The following LIMS1 variants were observed in gnomAD, a reference collection of about 807,000 sequenced individuals.
LIMS1 encodes LIM zinc finger domain containing 1.
Under a neutral mutation model 44.1 loss-of-function variants are expected in LIMS1, and 18 were observed. That is an observed-to-expected ratio of 0.41 (90% CI 0.28 to 0.61). LIMS1 has a LOEUF of 0.61. Among genes scored for constraint, LIMS1 ranks in the 20% least tolerant of loss-of-function variants. LIMS1 has a pLI of 0.32. For missense variants in LIMS1, 201 were observed against 422.0 expected, an observed-to-expected ratio of 0.48 and a Z score of 4.59; for synonymous variants, 93 against 149.1, an observed-to-expected ratio of 0.62 and a Z score of 2.74.
intron 1 of LIMS1, among the ~76,000 whole-genome samples, chr2:108,616,701 C>T (rs1290769379): frequency 6.6e-6 from 1 of 152,074 alleles, no homozygotes; most frequent in Non-Finnish European, 1.5e-5. Context: ...CTTCTGCCTT[C>T]TCATACTCTC....
chr2:108,648,978 C>T (rs114194384), intron 1 of LIMS1, among the ~76,000 whole-genome samples: 4,442 of 152,254 alleles, frequency 0.029, 145 homozygotes, highest in South Asian at 0.14. Flanking sequence ...CCAAAACTGA[C>T]AAACAGGATC....
chr2:108,534,524 A>G (rs755563887), exon 1 of LIMS1: 68 of 1,197,736 alleles, frequency 5.7e-5, no homozygotes, highest in Non-Finnish European at 6.4e-5. Context: ...GCGCCGGGAG[A>G]CGAGGGGCTG....
intron 1 of LIMS1, among the ~76,000 whole-genome samples, chr2:108,576,910 G>C (rs1036578973): frequency 2.0e-5 from 3 of 152,176 alleles, no homozygotes; most frequent in Non-Finnish European, 4.4e-5. Context: ...ACTCCCTGAG[G>C]TAGGAGGGAA....
intron 1 of LIMS1, among the ~76,000 whole-genome samples, chr2:108,618,374 A>G (rs1373386537): frequency 6.6e-6 from 1 of 152,168 alleles, no homozygotes; most frequent in African/African-American, 2.4e-5. Context: ...TTTGAAAGGA[A>G]AAATAGATGG....
rs76907035 is a variant in LIMS1 at position 108,589,404 on chromosome 2, A to G, written c.32+54810A>G. On this transcript the variant is annotated intron_variant, in intron 1 of 9. Transcript: ENST00000544547. Reference sequence around the variant, plus strand: ...CAATACAGTATTATTAATTATAATCACTTTGCTGTACAATAGATCACCAGA... The same window carrying G: ...CAATACAGTATTATTAATTATAATCGCTTTGCTGTACAATAGATCACCAGA... Among the ~76,000 whole-genome samples, 786 of 152,312 alleles carry G rather than the reference A, an allele frequency of 5.2e-3. 11 individuals carry two copies. Among genetic ancestry groups the G allele is most frequent in the African/African-American group, 0.018 (749 of 41,572 alleles).
intron 1 of LIMS1, among the ~76,000 whole-genome samples, chr2:108,619,986 A>C (rs1406047024): frequency 2.0e-5 from 3 of 152,172 alleles, no homozygotes; most frequent in African/African-American, 7.2e-5. Flanking sequence ...TCACTCATTA[A>C]ATCTAGTGTA....
chr2:108,629,001 G>A (rs1346380384), intron 1 of LIMS1, among the ~76,000 whole-genome samples: 1 of 152,216 alleles, frequency 6.6e-6, no homozygotes, highest in Admixed American at 6.5e-5. Context: ...AGTAGGTTTG[G>A]TGTCCATCAT....
chr2:108,543,414 C>T (rs1684380656), intron 1 of LIMS1, among the ~76,000 whole-genome samples: 1 of 152,190 alleles, frequency 6.6e-6, no homozygotes, highest in Non-Finnish European at 1.5e-5. Flanking sequence ...AAGTCAGTGC[C>T]CTTATCAAAG....
intron 1 of LIMS1, among the ~76,000 whole-genome samples, chr2:108,612,849 G>A (rs769129522): frequency 3.9e-5 from 6 of 152,146 alleles, no homozygotes; most frequent in African/African-American, 4.8e-5. Context: ...CGGCTCCTGC[G>A]CCTGTCATGC....
chr2:108,606,054 G>A lies in LIMS1; in HGVS notation c.33-53551G>A, dbSNP rs570950111. 3.3e-5 allele frequency among the ~76,000 whole-genome samples: 5 copies of A among 152,366 alleles called. No individual in the cohort carries two copies. The East Asian group carries it at 9.6e-4, about 29-fold the overall frequency. ...TGCCAGCTCTGCCCCCAGTTTGGGG[G>A]AGGTGAATCTGGCTGTTGTAGTCAC... is the stretch of plus-strand genomic sequence containing the variant. On this transcript the variant is annotated intron_variant, in intron 1 of 9. Coordinates refer to ENST00000544547, the Ensembl canonical transcript of LIMS1.
chr2:108,644,613 G>A (rs531766918), intron 1 of LIMS1, among the ~76,000 whole-genome samples: 1 of 152,228 alleles, frequency 6.6e-6, no homozygotes, highest in Non-Finnish European at 1.5e-5. Context: ...ACAACTCCTT[G>A]CCAGCAAGGG....
At chr2:108,639,903 AC>A (rs1193695055) in intron 1 of LIMS1, among the ~76,000 whole-genome samples, 2 of 152,280 alleles carry the variant, frequency 1.3e-5, no homozygotes, top group Non-Finnish European at 2.9e-5. Flanking sequence ...AATTCAACTT[AC>A]CAAACCAAAA....
intron 1 of LIMS1, among the ~76,000 whole-genome samples, chr2:108,537,246 G>C (rs1269019896): frequency 6.6e-6 from 1 of 152,104 alleles, no homozygotes. Flanking sequence ...CCTTAGAAAG[G>C]TCTTGGAGAC....
At chr2:108,635,429 T>TAAAAAAAAAAA (rs70956264) in intron 1 of LIMS1, among the ~76,000 whole-genome samples, 19 of 86,694 alleles carry the variant, frequency 2.2e-4, no homozygotes, top group South Asian at 9.2e-4. Context: ...ACTTCATCTC[T>TAAAAAAAAAAA]AAAAAAAAAA....
chr2:108,608,348 C>G, intron 1 of LIMS1, among the ~76,000 whole-genome samples: 1 of 150,340 alleles, frequency 6.7e-6, no homozygotes, highest in East Asian at 1.9e-4. Flanking sequence ...CTCTGTCACT[C>G]AGGCTGGAGT....
chr2:108,628,514 G>A (rs1431459824), intron 1 of LIMS1, among the ~76,000 whole-genome samples: 1 of 152,222 alleles, frequency 6.6e-6, no homozygotes, highest in Non-Finnish European at 1.5e-5. Context: ...TTATTGAAGA[G>A]GCAGTGAAAT....
intron 1 of LIMS1, chr2:108,621,485 T>C (rs938939824): frequency 1.2e-4 from 176 of 1,519,298 alleles, no homozygotes; most frequent in Non-Finnish European, 1.5e-4. Flanking sequence ...CATGGTTGGC[T>C]AAAGGTCAAG....
At chr2:108,667,551 A>ATATATATATATAT (rs1553469851) in intron 2 of LIMS1, among the ~76,000 whole-genome samples, 83 of 130,466 alleles carry the variant, frequency 6.4e-4, no homozygotes, top group African/African-American at 2.1e-3. Context: ...AAAAAAAAAA[A>ATATATATATATAT]ATATATATAT....
chr2:108,572,238 C>G (rs902562552), intron 1 of LIMS1, among the ~76,000 whole-genome samples: 1 of 152,026 alleles, frequency 6.6e-6, no homozygotes, highest in Non-Finnish European at 1.5e-5. Context: ...AACTTCCCTT[C>G]ACTGAAATAC....
Sources: allele counts gnomAD v4.1 joint callset (sites outside exome capture counted in the v4.1 genomes callset), GRCh38; gene constraint gnomAD v4.1.1; transcripts MANE v1.5; gene names NCBI Gene and HGNC (gene_info 2026-07-23, HGNC 2026-07-21).